Variants in B4GALNT1 observed in about 807,000 individuals in gnomAD.
The protein encoded by B4GALNT1 is beta-1,4 N-acetylgalactosaminyltransferase 1.
Under a neutral mutation model 55.2 loss-of-function variants are expected in B4GALNT1, and 43 were observed. The observed-to-expected ratio is 0.78, with a 90% CI of 0.61 to 1.00. B4GALNT1 has a LOEUF of 1.00. Among genes scored for constraint, B4GALNT1 ranks in the 50% least tolerant of loss-of-function variants. B4GALNT1 has a pLI of 0.00. For missense variants in B4GALNT1, 664 were observed against 729.7 expected (o/e 0.91, Z 1.04); for synonymous variants, 305 against 311.6 (o/e 0.98, Z 0.22).
chr12:57,629,279 CT>C (rs1374195001), intron 6 of B4GALNT1, 133 bp from the exon 7 acceptor site: 7 of 658,308 alleles, frequency 1.1e-5, no homozygotes, highest in Admixed American at 3.6e-5. Context: ...AGGTTCTTAC[CT>C]TTATGGAACT....
intron 6 of B4GALNT1, 137 bp downstream of exon 6, chr12:57,630,015 G>A: frequency 6.4e-7 from 1 of 1,560,816 alleles, no homozygotes; most frequent in Non-Finnish European, 8.7e-7. Flanking sequence ...TGGTCCAGTT[G>A]AAGCACCCAT....
intron 6 of B4GALNT1, 58 bp downstream of exon 6, chr12:57,630,094 C>A (rs1267892958): frequency 6.2e-7 from 1 of 1,613,810 alleles, no homozygotes; most frequent in Non-Finnish European, 8.5e-7. Flanking sequence ...CCCACTCCAG[C>A]CTTTCTGGTT....
In B4GALNT1 at chr12:57,631,291, G is replaced by C. The variant is rs1361370524; in HGVS notation, c.292C>G (p.Arg98Gly). The change falls in exon 3 of 11, where the codon CGA (arginine) becomes GGA (glycine). Residue 98 changes from arginine (R) to glycine (G), a missense_variant. Arg to Gly is a moderately radical substitution (Grantham distance 125). Transcript: ENST00000341156. ...GLPLPFQKQV[R>G]AIDLTKAFDP... ...AAGGCCTTGGTGAGGTCAATAGCTC[G>C]GACTTGTTTCTGGAAGGGGAGGGGG... The C allele has an allele frequency of 1.9e-6, 3 of 1,613,972 alleles. No individual in the cohort carries two copies. The highest frequency in any genetic ancestry group is 1.3e-5 in the African/African-American group (1 of 74,896).
At chr12:57,627,022 G>C in intron 10 of B4GALNT1, 61 bp from the exon 11 acceptor site, 3 of 1,417,718 alleles carry the variant, frequency 2.1e-6, no homozygotes, top group Non-Finnish European at 2.9e-6. Context: ...CGACTGGTAA[G>C]GGAGAACTCT....
chr12:57,628,211 C>G lies in B4GALNT1; in HGVS notation c.1054G>C (p.Val352Leu), dbSNP rs747586827. ...LAVSQVTTKYVLWVDDDFVFT... is the reference protein window; with the variant it reads ...LAVSQVTTKYLLWVDDDFVFT... ...ACGAAGTCGTCGTCCACCCACAGCA[C>G]GTACTTGGTGGTTACTTGAGACACG... The change falls in exon 9 of 11, where the codon GTG becomes CTG. Residue 352 changes from valine (V) to leucine (L), a missense_variant. Physicochemically the swap from Val to Leu is conservative, Grantham distance 32 (BLOSUM62 1). Coordinates refer to ENST00000341156, the MANE Select transcript of B4GALNT1 (RefSeq NM_001478.5). The G allele has an allele frequency of 6.2e-7, 1 of 1,614,282 alleles. No homozygotes were observed. The highest frequency in any genetic ancestry group is 8.5e-7 in the Non-Finnish European group (1 of 1,180,048).
intron 9 of B4GALNT1, 95 bp downstream of exon 9, chr12:57,628,027 C>A: frequency 6.4e-7 from 1 of 1,551,664 alleles, no homozygotes; most frequent in Non-Finnish European, 8.7e-7. Flanking sequence ...TCTCTTTGTC[C>A]TAGGGCTGGC....
Position 57,626,551 on chromosome 12 carries a change from TG to T in B4GALNT1, c.*192del. On this transcript the variant is annotated 3_prime_UTR_variant, in exon 11 of 11. Coordinates refer to ENST00000341156, the MANE Select transcript of B4GALNT1 (RefSeq NM_001478.5). ...AGAGGTTATGGCTCCACCAGGCCTC[TG>T]GGCACTGGAAAAAGGAGGGGTGTCA... The T allele has an allele frequency of 1.6e-6, 1 of 639,380 alleles. No homozygotes were observed. The allele number at this position is 639,380 out of a possible 1,614,324, so 39.6% of individuals were successfully genotyped here.
chr12:57,625,052 G>C lies in B4GALNT1; in HGVS notation c.*1692C>G. On this transcript the variant is annotated 3_prime_UTR_variant, in exon 11 of 11. Coordinates refer to ENST00000341156, the MANE Select transcript of B4GALNT1 (RefSeq NM_001478.5). ...GGAGGCAGGTGGGTGTTCTGAGGGGGATCCTTGTGCTCAAGGGGTGCATGT... is the reference window on the plus strand; with the variant it reads ...GGAGGCAGGTGGGTGTTCTGAGGGGCATCCTTGTGCTCAAGGGGTGCATGT... The C allele has an allele frequency of 6.2e-7, 1 of 1,613,296 alleles. No homozygotes were observed. Among genetic ancestry groups the C allele is most frequent in the Non-Finnish European group, 8.5e-7 (1 of 1,179,232 alleles).
chr12:57,629,182 G>T (rs928943102), intron 6 of B4GALNT1, 36 bp from the exon 7 acceptor site: 1 of 1,507,254 alleles, frequency 6.6e-7, no homozygotes. Flanking sequence ...ACCCTGAAGG[G>T]TGGGATAACA....
chr12:57,625,414 C>G lies in B4GALNT1; in HGVS notation c.*1330G>C, dbSNP rs1871415. ...CCCTTTGCCCCATCCCTGCAGCTGGCCAGCCGATGTCGAGATGCTAGGATC... is the reference window on the plus strand; with the variant it reads ...CCCTTTGCCCCATCCCTGCAGCTGGGCAGCCGATGTCGAGATGCTAGGATC... On this transcript the variant is annotated 3_prime_UTR_variant, in exon 11 of 11. Coordinates refer to ENST00000341156, the MANE Select transcript of B4GALNT1 (RefSeq NM_001478.5). The G allele has an allele frequency of 5.0e-6, 8 of 1,614,028 alleles. No homozygotes were observed. In the African/African-American group the frequency reaches 8.0e-5, roughly 16 times the overall value.
Position 57,624,205 on chromosome 12 carries a change from C to A in B4GALNT1, c.*2539G>T. 9.9e-7 allele frequency: 1 copy of A among 1,008,800 alleles called. No homozygotes were observed. The highest frequency in any genetic ancestry group is 1.5e-6 in the Non-Finnish European group (1 of 671,838). 62.5% of individuals were successfully genotyped at this position (1,008,800 alleles called of 1,614,324 possible). ...TCCTGGTCTTAAGTTCTGCAACCCA[C>A]CCACTCCCCCAGCAAACATAACTCC... On this transcript the variant is annotated 3_prime_UTR_variant, in exon 11 of 11. Coordinates refer to ENST00000341156, the MANE Select transcript of B4GALNT1 (RefSeq NM_001478.5).
In B4GALNT1 at chr12:57,626,897, A is replaced by G. The variant is rs905033614; in HGVS notation, c.1449T>C (p.His483=). 6.2e-7 allele frequency: 1 copy of G among 1,614,084 alleles called. No homozygotes were observed. Among genetic ancestry groups the G allele is most frequent in the Non-Finnish European group, 8.5e-7 (1 of 1,180,034 alleles). ...TCCAAGGCAGCTTCAGTTTGGATGCATGATCCACCACGACGTCGGAGCAGG... is the reference window on the plus strand; with the variant it reads ...TCCAAGGCAGCTTCAGTTTGGATGCGTGATCCACCACGACGTCGGAGCAGG... ...VGSCSDVVVD[H]ASKLKLPWTS... The change falls in exon 11 of 11, where the codon CAT becomes CAC. Residue 483 remains histidine, a synonymous_variant. Coordinates refer to ENST00000341156, the MANE Select transcript of B4GALNT1 (RefSeq NM_001478.5).
In B4GALNT1 at chr12:57,623,921, G is replaced by T; in HGVS notation, c.*2823C>A. 1.2e-6 allele frequency: 2 copies of T among 1,613,986 alleles called. No individual in the cohort carries two copies. Among genetic ancestry groups the T allele is most frequent in the Non-Finnish European group, 8.5e-7 (1 of 1,179,950 alleles). ...TTTTACTATCTGCCCAAGGTAATGA[G>T]CAGAGGAGGCATGAGCATGGCTGGG... is the stretch of plus-strand genomic sequence containing the variant. On this transcript the variant is annotated 3_prime_UTR_variant, in exon 11 of 11. Coordinates refer to ENST00000341156, the MANE Select transcript of B4GALNT1 (RefSeq NM_001478.5).
chr12:57,631,117 G>A (rs1345546382), intron 3 of B4GALNT1, 31 bp from the exon 4 acceptor site: 3 of 1,607,334 alleles, frequency 1.9e-6, no homozygotes, highest in Non-Finnish European at 2.5e-6. Context: ...GGACAGAGCA[G>A]AGTCGGGGGG....
rs773450832 is a variant in B4GALNT1, at chr12:57,627,832, G to A, written c.1170C>T (p.Ser390=). 6.9e-6 allele frequency: 11 copies of A among 1,588,512 alleles called. No homozygotes were observed. The East Asian group carries it at 1.1e-4, about 16-fold the overall frequency. Residue 390 remains serine, a synonymous_variant, in exon 10 of 11, where the codon TCC becomes TCT. Transcript: ENST00000341156. ...GCTGCCGATAAGTGGTGGCAAAGCC[G>A]GAGATCTCGCGCACCGCGCCCCCCA... ...DLVGGAVREI[S]GFATTYRQLL...
Position 57,623,840 on chromosome 12 carries a change from C to T in B4GALNT1, c.*2904G>A. On this transcript the variant is annotated 3_prime_UTR_variant, in exon 11 of 11. Transcript: ENST00000341156. ...CCTGTTCCTCCTTTTCTCTAGCTGG[C>T]AGGCCTCTTCTCCTGCACAGTGGTC... 1 of 1,613,658 alleles carries T rather than the reference C, an allele frequency of 6.2e-7. No individual in the cohort carries two copies. Among genetic ancestry groups the T allele is most frequent in the Non-Finnish European group, 8.5e-7 (1 of 1,179,894 alleles).
At chr12:57,631,870 C>A in intron 2 of B4GALNT1, 45 bp downstream of exon 2, 1 of 1,358,938 alleles carries the variant, frequency 7.4e-7, no homozygotes, top group Non-Finnish European at 9.5e-7. Context: ...GCCCCCAGAC[C>A]ACCCCCAGCG....
At position 57,631,882 on chromosome 12, in the gene B4GALNT1, G is replaced by C. The variant is rs1885234952; in HGVS notation, c.218+33C>G. On this transcript the variant is annotated intron_variant, in intron 2 of 10. Transcript: ENST00000341156. ...AAAGCCCCCAGACCACCCCCAGCGA[G>C]CGCTGCGCTGCGCCGCCGCGGTCGG... 3.7e-6 allele frequency: 5 copies of C among 1,366,544 alleles called. No individual in the cohort carries two copies. In the East Asian group the frequency reaches 1.4e-4, roughly 39 times the overall value. 84.7% of individuals were successfully genotyped at this position (1,366,544 alleles called of 1,614,324 possible). A position where few individuals can be genotyped will look rare whatever the true frequency, so the allele number is the denominator to read the frequency against.
At chr12:57,627,552 G>T in intron 10 of B4GALNT1, 66 bp downstream of exon 10, 1 of 1,518,024 alleles carries the variant, frequency 6.6e-7, no homozygotes, top group Non-Finnish European at 8.8e-7. Context: ...GAGGAGAGGC[G>T]CGTGACCGTG....
Sources: allele counts gnomAD v4.1 joint callset, GRCh38; gene constraint gnomAD v4.1.1; transcripts MANE v1.5; gene names NCBI Gene and HGNC (gene_info 2026-07-23, HGNC 2026-07-21).